The following ANKRD55 variants were observed in gnomAD, a reference collection of about 807,000 sequenced individuals.
The protein encoded by ANKRD55 is ankyrin repeat domain 55.
A neutral mutation model predicts 60.6 loss-of-function variants in ANKRD55; 41 were observed. That is an observed-to-expected ratio of 0.68 (90% CI 0.53 to 0.88). The LOEUF (loss-of-function observed/expected upper bound fraction) is 0.88, where lower values mean the gene tolerates loss of function less well. ANKRD55 is among the 40% of genes least tolerant of loss of function. ANKRD55 has a pLI of 0.00. For synonymous variants in ANKRD55, 264 were observed against 290.3 expected, an observed-to-expected ratio of 0.91 and a Z score of 0.92; for missense variants, 732 against 767.6, an observed-to-expected ratio of 0.95 and a Z score of 0.55.
chr5:56,171,944 C>T (rs1180853151), intron 4 of ANKRD55, among the ~76,000 whole-genome samples: 1 of 151,768 alleles, frequency 6.6e-6, no homozygotes, highest in African/African-American at 2.4e-5. Context: ...AGGTTGAAAC[C>T]CCATCTCTAC....
intron 6 of ANKRD55, among the ~76,000 whole-genome samples, chr5:56,149,474 A>G (rs1360933985): frequency 6.6e-6 from 1 of 152,224 alleles, no homozygotes; most frequent in African/African-American, 2.4e-5. Context: ...GCCAATTCTA[A>G]CAAGAACAAA....
At chr5:56,126,834 G>T in intron 8 of ANKRD55, 88 bp downstream of exon 8, 1 of 1,433,550 alleles carries the variant, frequency 7.0e-7, no homozygotes, top group African/African-American at 1.4e-5. Context: ...TAGCTGTATA[G>T]GACACCTCCT....
chr5:56,164,524 A>G (rs1400279065), intron 5 of ANKRD55, among the ~76,000 whole-genome samples: 2 of 152,204 alleles, frequency 1.3e-5, no homozygotes, highest in Non-Finnish European at 2.9e-5. Context: ...GCACTCTGAC[A>G]GGGAGGAAAA....
At chr5:56,182,348 T>C (rs1758867681) in intron 3 of ANKRD55, among the ~76,000 whole-genome samples, 1 of 152,240 alleles carries the variant, frequency 6.6e-6, no homozygotes, top group Admixed American at 6.5e-5. Flanking sequence ...CTTCTTTCCT[T>C]TGCATCCTCA....
chr5:56,170,576 A>G (rs1298596379), intron 5 of ANKRD55, 118 bp downstream of exon 5: 1 of 814,294 alleles, frequency 1.2e-6, no homozygotes, highest in Non-Finnish European at 1.9e-6. Context: ...ACTTCAAAAA[A>G]AAAAAAAGAT....
At chr5:56,123,194 G>A (rs1276000327) in intron 8 of ANKRD55, among the ~76,000 whole-genome samples, 1 of 152,192 alleles carries the variant, frequency 6.6e-6, no homozygotes, top group Non-Finnish European at 1.5e-5. Context: ...CCTGAACCTT[G>A]GGCAGAAGGG....
At chr5:56,223,557 C>G (rs1301917814) in intron 2 of ANKRD55, among the ~76,000 whole-genome samples, 3 of 152,100 alleles carry the variant, frequency 2.0e-5, no homozygotes, top group South Asian at 4.2e-4. Context: ...ACACAGACTG[C>G]CAAATTGGAT....
At chr5:56,230,219 C>T (rs759401903) in intron 2 of ANKRD55, among the ~76,000 whole-genome samples, 1 of 152,072 alleles carries the variant, frequency 6.6e-6, no homozygotes, top group Admixed American at 6.6e-5. Context: ...CTCAGCCTCC[C>T]GAGTAGCTGG....
chr5:56,162,704 C>G (rs1345603092), intron 5 of ANKRD55, among the ~76,000 whole-genome samples: 1 of 148,180 alleles, frequency 6.7e-6, no homozygotes, highest in African/African-American at 2.5e-5. Context: ...AGCTCTCACT[C>G]TGTCACCCAG....
rs571846513 is a variant in ANKRD55, at chr5:56,136,999, C to T, written c.612+6802G>A. ...TGAAAATGATTCGCTCTTCACTTGACCCAGAGAGCCCCACAAAATCATGCA... is the reference window on the plus strand; with the variant it reads ...TGAAAATGATTCGCTCTTCACTTGATCCAGAGAGCCCCACAAAATCATGCA... On this transcript the variant is annotated intron_variant, in intron 7 of 11. Transcript: ENST00000341048. 1,284 of 668,854 alleles carry T rather than the reference C, an allele frequency of 1.9e-3. 1 individual carries two copies. The highest frequency in any genetic ancestry group is 2.9e-3 in the Admixed American group (149 of 51,250). 41.4% of individuals were successfully genotyped at this position (668,854 alleles called of 1,614,324 possible). A position where few individuals can be genotyped will look rare whatever the true frequency, so the allele number is the denominator to read the frequency against.
intron 8 of ANKRD55, among the ~76,000 whole-genome samples, chr5:56,121,562 G>A (rs1273614384): frequency 6.6e-6 from 1 of 151,850 alleles, no homozygotes; most frequent in Non-Finnish European, 1.5e-5. Flanking sequence ...TAGTAGAGAT[G>A]AGGTTTCACC....
At chr5:56,116,864 A>G (rs937823595) in intron 8 of ANKRD55, 82 bp from the exon 9 acceptor site, 4 of 1,401,082 alleles carry the variant, frequency 2.9e-6, no homozygotes, top group Non-Finnish European at 2.8e-6. Flanking sequence ...GCTCCTGCTC[A>G]AAGTCAGGTT....
intron 2 of ANKRD55, among the ~76,000 whole-genome samples, chr5:56,208,360 C>G (rs1165111849): frequency 6.6e-6 from 1 of 151,584 alleles, no homozygotes; most frequent in East Asian, 1.9e-4. Context: ...TAGCATAGAT[C>G]ACTATAAAGT....
rs529356961 is a variant in ANKRD55, at chr5:56,127,549, A to G, written c.613-443T>C. The G allele has an allele frequency of 5.8e-5, 57 of 985,180 alleles. 1 individual carries two copies. In the South Asian group the frequency reaches 2.5e-3, roughly 44 times the overall value. 61.0% of individuals were successfully genotyped at this position (985,180 alleles called of 1,614,324 possible). A position where few individuals can be genotyped will look rare whatever the true frequency, so the allele number is the denominator to read the frequency against. On this transcript the variant is annotated intron_variant, in intron 7 of 11. Transcript: ENST00000341048. ...TGTTAAAGAAGTGACTATGATGAGT[A>G]CTGATTGGTGGCGCAGTGATGCACT...
At chr5:56,154,584 G>GTT (rs368083555) in intron 6 of ANKRD55, among the ~76,000 whole-genome samples, 7,716 of 134,712 alleles carry the variant, frequency 0.057, 298 homozygotes, top group Non-Finnish European at 0.07. Flanking sequence ...TAGTTTTAAA[G>GTT]TTTTTTTTTT....
At chr5:56,135,076 A>G (rs1325047280) in intron 7 of ANKRD55, among the ~76,000 whole-genome samples, 1 of 152,204 alleles carries the variant, frequency 6.6e-6, no homozygotes, top group Non-Finnish European at 1.5e-5. Flanking sequence ...CTCTCAGTAA[A>G]CTAGGAATAG....
rs763907308 is a variant in ANKRD55 at position 56,111,663 on chromosome 5, T to C, written c.1085A>G (p.Gln362Arg). Residue 362 changes from glutamine (Q) to arginine (R), a missense_variant, in exon 10 of 12, where the codon CAG becomes CGG. Physicochemically the swap from Gln to Arg is conservative, Grantham distance 43. This residue lies in a region of ANKRD55 where 597 missense variants were observed against 607.5 expected (regional missense o/e 0.98). Transcript: ENST00000341048. ...GTATCGGTCCCTGCTGGGATCCTTC[T>C]GATGGGCTCTCTGCTCTTCTTTCTT... ...KNKKEEQRAH[Q>R]KDPSRDRYRE... 1.3e-6 allele frequency: 2 copies of C among 1,530,574 alleles called. No homozygotes were observed. The highest frequency in any genetic ancestry group is 2.8e-5 in the African/African-American group (2 of 71,976). The allele number at this position is 1,530,574 out of a possible 1,614,324, so 94.8% of individuals were successfully genotyped here. A position where few individuals can be genotyped will look rare whatever the true frequency, so the allele number is the denominator to read the frequency against.
intron 6 of ANKRD55, among the ~76,000 whole-genome samples, chr5:56,152,772 CAG>C (rs1278119544): frequency 6.6e-6 from 1 of 151,938 alleles, no homozygotes; most frequent in Non-Finnish European, 1.5e-5. Context: ...GAAAAACAAA[CAG>C]ATCATTGGAA....
chr5:56,120,180 G>T (rs1394179728), intron 8 of ANKRD55, among the ~76,000 whole-genome samples: 1 of 152,042 alleles, frequency 6.6e-6, no homozygotes, highest in Non-Finnish European at 1.5e-5. Context: ...GGGATTACAG[G>T]CACGGGCCAC....
Sources: allele counts gnomAD v4.1 joint callset (sites outside exome capture counted in the v4.1 genomes callset), GRCh38; gene constraint gnomAD v4.1.1; regional missense constraint gnomAD v4.1.1; transcripts MANE v1.5; gene names NCBI Gene and HGNC (gene_info 2026-07-23, HGNC 2026-07-21).